Variants in COL25A1 observed in about 807,000 individuals in gnomAD.
The protein encoded by COL25A1 is collagen alpha-1(XXV) chain.
In COL25A1, 103 loss-of-function variants were observed where a neutral mutation model predicts 128.4. That is an observed-to-expected ratio of 0.80 (90% CI 0.68 to 0.94). COL25A1 has a LOEUF of 0.94. Among genes scored for constraint, COL25A1 ranks in the 40% least tolerant of loss-of-function variants. The pLI is 0.00. For synonymous variants in COL25A1, 279 were observed against 277.2 expected (o/e 1.01, Z -0.06); for missense variants, 745 against 840.0 (o/e 0.89, Z 1.40).
rs7356136 is a variant in COL25A1, at chr4:108,935,474, G to A, written c.708+2334C>T. On this transcript the variant is annotated intron_variant, in intron 11 of 37. Coordinates refer to ENST00000399132, the MANE Select transcript of COL25A1 (RefSeq NM_198721.4). The stretch of plus-strand genomic sequence containing the variant: ...AGAGGTTTTCTCTTTGAAAAGAATC[G>A]TACATCTTTAAAAACAGTAATTTTT... Among the ~76,000 whole-genome samples the A allele has an allele frequency of 8.6e-5, 13 of 151,946 alleles. No homozygotes were observed. In the South Asian group the frequency reaches 1.0e-3, roughly 12 times the overall value.
At chr4:109,058,082 T>C (rs892641907) in intron 3 of COL25A1, among the ~76,000 whole-genome samples, 1 of 152,216 alleles carries the variant, frequency 6.6e-6, no homozygotes, top group African/African-American at 2.4e-5. Context: ...ATCTAGATAA[T>C]AAATATAGTA....
chr4:108,942,249 G>A, intron 8 of COL25A1: 1 of 1,550,360 alleles, frequency 6.5e-7, no homozygotes, highest in Non-Finnish European at 8.7e-7. Flanking sequence ...GGCAGCAACT[G>A]TGGGGAAGCC....
At chr4:109,270,982 C>G (rs919234359) in intron 3 of COL25A1, among the ~76,000 whole-genome samples, 2 of 152,048 alleles carry the variant, frequency 1.3e-5, no homozygotes, top group African/African-American at 4.8e-5. Context: ...TTTTATGGAT[C>G]AGGAAACTGA....
chr4:109,031,140 C>T (rs1008115284), intron 5 of COL25A1, among the ~76,000 whole-genome samples: 2 of 152,130 alleles, frequency 1.3e-5, no homozygotes, highest in Admixed American at 1.3e-4. Flanking sequence ...TAAAGTGTTA[C>T]AATACCTGTC....
intron 13 of COL25A1, among the ~76,000 whole-genome samples, chr4:108,902,455 G>A (rs1222130788): frequency 6.6e-6 from 1 of 151,970 alleles, no homozygotes; most frequent in Admixed American, 6.6e-5. Flanking sequence ...ATAAGTGAAC[G>A]AATGTATCTA....
chr4:109,160,708 T>G (rs1772489437), intron 3 of COL25A1, among the ~76,000 whole-genome samples: 2 of 152,162 alleles, frequency 1.3e-5, no homozygotes, highest in African/African-American at 4.8e-5. Context: ...AAGAGCTCTA[T>G]GACCCACGCA....
In COL25A1 at chr4:108,846,121, CAG is replaced by C. The variant is rs757442621; in HGVS notation, c.1515+16_1515+17del. ...ACATAATATAAAAAGTATAAACAAA[CAG>C]AAAGTATAAACATACCGGTAATCCA... On this transcript the variant is annotated intron_variant, in intron 28 of 37. Coordinates refer to ENST00000399132, the MANE Select transcript of COL25A1 (RefSeq NM_198721.4). The C allele has an allele frequency of 4.6e-6, 7 of 1,527,384 alleles. No individual in the cohort carries two copies. The highest frequency in any genetic ancestry group is 4.5e-5 in the East Asian group (2 of 44,386). 94.6% of individuals were successfully genotyped at this position (1,527,384 alleles called of 1,614,324 possible).
intron 6 of COL25A1, among the ~76,000 whole-genome samples, chr4:109,002,358 C>T (rs114752905): frequency 6.6e-6 from 1 of 152,164 alleles, no homozygotes; most frequent in South Asian, 2.1e-4. Flanking sequence ...GGTATACATA[C>T]ACAATGGAAT....
chr4:109,285,883 T>TTTTG (rs10677741), intron 3 of COL25A1, among the ~76,000 whole-genome samples: 39,766 of 151,742 alleles, frequency 0.26, 8,556 homozygotes, highest in African/African-American at 0.59. Context: ...TTTTTTGTTT[T>TTTTG]TTTGTCTGTT....
chr4:109,165,291 C>A (rs1772966528), intron 3 of COL25A1, among the ~76,000 whole-genome samples: 1 of 152,044 alleles, frequency 6.6e-6, no homozygotes, highest in South Asian at 2.1e-4. Flanking sequence ...AACTTCTTAG[C>A]TAACAGTCAA....
At position 109,081,176 on chromosome 4, in the gene COL25A1, G is replaced by A. The variant is rs577710889; in HGVS notation, c.368-30997C>T. On this transcript the variant is annotated intron_variant, in intron 3 of 37. Coordinates refer to ENST00000399132, the MANE Select transcript of COL25A1 (RefSeq NM_198721.4). ...ATTAATGTATGTTTTATGCTTGACC[G>A]GAACAATGTACAAGGTCTTTCCAAT... 3.3e-5 allele frequency among the ~76,000 whole-genome samples: 5 copies of A among 152,128 alleles called. No homozygotes were observed. The East Asian group carries it at 7.7e-4, about 24-fold the overall frequency.
rs1764197598 is a variant in COL25A1 at position 109,084,643 on chromosome 4, T to C, written c.368-34464A>G. 2.0e-5 allele frequency among the ~76,000 whole-genome samples: 3 copies of C among 152,212 alleles called. No individual in the cohort carries two copies. The South Asian group carries it at 6.2e-4, about 31-fold the overall frequency. On this transcript the variant is annotated intron_variant, in intron 3 of 37. Coordinates refer to ENST00000399132, the MANE Select transcript of COL25A1 (RefSeq NM_198721.4). Reference sequence around the variant, plus strand: ...GTATGTTATTATACAAGCAATGCTATAGCAAGAACCACACATCAGGTTTTT... The same window carrying C: ...GTATGTTATTATACAAGCAATGCTACAGCAAGAACCACACATCAGGTTTTT...
At chr4:109,195,872 T>C (rs1237105968) in intron 3 of COL25A1, among the ~76,000 whole-genome samples, 2 of 152,160 alleles carry the variant, frequency 1.3e-5, no homozygotes, top group Admixed American at 6.5e-5. Context: ...AGTCAACCCA[T>C]ATGTTTTTCA....
At chr4:108,936,891 C>T (rs1341757040) in intron 11 of COL25A1, among the ~76,000 whole-genome samples, 1 of 151,218 alleles carries the variant, frequency 6.6e-6, no homozygotes, top group Admixed American at 6.6e-5. Flanking sequence ...TGATCCTCCC[C>T]TCGCTGGCTT....
At chr4:109,186,467 G>C (rs1393914315) in intron 3 of COL25A1, among the ~76,000 whole-genome samples, 2 of 152,154 alleles carry the variant, frequency 1.3e-5, no homozygotes, top group Middle Eastern at 3.2e-3. Context: ...AATTTTGCTT[G>C]TGATCTCATC....
chr4:109,235,529 C>T (rs1779413346), intron 3 of COL25A1, among the ~76,000 whole-genome samples: 1 of 135,620 alleles, frequency 7.4e-6, no homozygotes, highest in South Asian at 2.5e-4. Flanking sequence ...CCCCAACAAA[C>T]ATACACCCAC....
At chr4:108,992,354 T>C (rs1754313735) in intron 6 of COL25A1, among the ~76,000 whole-genome samples, 2 of 152,196 alleles carry the variant, frequency 1.3e-5, no homozygotes, top group Non-Finnish European at 2.9e-5. Context: ...GATGGGGTTA[T>C]TTGGGCCAAA....
chr4:109,168,103 T>C (rs921519707), intron 3 of COL25A1, among the ~76,000 whole-genome samples: 18 of 152,150 alleles, frequency 1.2e-4, no homozygotes, highest in African/African-American at 4.3e-4. Flanking sequence ...CAATGGCTCA[T>C]TGTTTCTTCT....
chr4:109,222,154 C>A (rs895758760), intron 3 of COL25A1, among the ~76,000 whole-genome samples: 1 of 146,582 alleles, frequency 6.8e-6, no homozygotes, highest in Non-Finnish European at 1.5e-5. Flanking sequence ...ACCTCTGACT[C>A]CCCAGTTCAA....
Sources: allele counts gnomAD v4.1 joint callset (sites outside exome capture counted in the v4.1 genomes callset), GRCh38; gene constraint gnomAD v4.1.1; transcripts MANE v1.5; gene names NCBI Gene and HGNC (gene_info 2026-07-23, HGNC 2026-07-21).